GBE1: variants seen among roughly 807,000 people sequenced by gnomAD.
GBE1 encodes 1,4-alpha-glucan-branching enzyme.
Under a neutral mutation model 88.8 loss-of-function variants are expected in GBE1, and 70 were observed. The ratio of observed to expected loss-of-function variants is 0.79; its 90% CI spans 0.65 to 0.96. GBE1 has a LOEUF of 0.96. Among genes scored for constraint, GBE1 ranks in the 40% least tolerant of loss-of-function variants. The pLI is 0.00. For synonymous variants in GBE1, 284 were observed against 300.1 expected, an observed-to-expected ratio of 0.95 and a Z score of 0.56; for missense variants, 872 against 871.0, an observed-to-expected ratio of 1.00 and a Z score of -0.01.
intron 1 of GBE1, among the ~76,000 whole-genome samples, chr3:81,748,051 C>A (rs1041481350): frequency 1.3e-5 from 2 of 152,012 alleles, no homozygotes; most frequent in Admixed American, 1.3e-4. Flanking sequence ...AATGGGGAGG[C>A]AGAGGTTGCA....
intron 1 of GBE1, among the ~76,000 whole-genome samples, chr3:81,717,959 ATTTATTT>A (rs1559697752): frequency 2.4e-5 from 1 of 42,432 alleles, no homozygotes; most frequent in East Asian, 8.9e-3. Context: ...ATTTTATTTT[ATTTATTT>A]ATTTATTTAT....
chr3:81,509,261 G>C (rs1370535630), intron 14 of GBE1, among the ~76,000 whole-genome samples: 1 of 147,936 alleles, frequency 6.8e-6, no homozygotes, highest in East Asian at 2.0e-4. Flanking sequence ...ACTCTTTGAG[G>C]ACTAGAGTCT....
chr3:81,692,519 C>A (rs1705536352), intron 2 of GBE1, among the ~76,000 whole-genome samples: 1 of 152,100 alleles, frequency 6.6e-6, no homozygotes, highest in African/African-American at 2.4e-5. Context: ...GAATGCAGAG[C>A]CCCCTTTTGC....
At chr3:81,726,261 G>C (rs1706110589) in intron 1 of GBE1, among the ~76,000 whole-genome samples, 1 of 152,024 alleles carries the variant, frequency 6.6e-6, no homozygotes, top group Non-Finnish European at 1.5e-5. Flanking sequence ...TTGTGCTTTG[G>C]TGGTAACCAG....
At chr3:81,526,880 A>G (rs941161422) in intron 14 of GBE1, among the ~76,000 whole-genome samples, 16 of 152,150 alleles carry the variant, frequency 1.1e-4, no homozygotes. Context: ...TTTAAAGTTC[A>G]TATGGAACCA....
intron 14 of GBE1, among the ~76,000 whole-genome samples, chr3:81,522,543 C>T (rs1035311358): frequency 1.3e-5 from 2 of 149,346 alleles, no homozygotes; most frequent in East Asian, 1.9e-4. Flanking sequence ...CCCTTCCTGC[C>T]CCCCCCAAAT....
intron 12 of GBE1, among the ~76,000 whole-genome samples, chr3:81,543,351 T>C (rs151304568): frequency 2.6e-5 from 4 of 152,190 alleles, no homozygotes; most frequent in African/African-American, 9.6e-5. Flanking sequence ...GTTTTCTCTG[T>C]TGTAAACGAG....
chr3:81,493,993 A>T (rs1311543245), intron 15 of GBE1, among the ~76,000 whole-genome samples: 1 of 152,098 alleles, frequency 6.6e-6, no homozygotes, highest in East Asian at 1.9e-4. Context: ...TGACAGTTCC[A>T]TCATACTTAG....
rs575422638 is a variant in GBE1 at position 81,510,551 on chromosome 3, C to T, written c.1935-11324G>A. Among the ~76,000 whole-genome samples, 3 of 152,048 alleles carry T rather than the reference C, an allele frequency of 2.0e-5. No individual in the cohort carries two copies. In the South Asian group the frequency reaches 6.2e-4, roughly 32 times the overall value. Reference sequence around the variant, plus strand: ...CCTGAGCACTTCTGGGCACATAGCCCATAACTACATCAGATTAATTATTGT... The same window carrying T: ...CCTGAGCACTTCTGGGCACATAGCCTATAACTACATCAGATTAATTATTGT... On this transcript the variant is annotated intron_variant, in intron 14 of 15. Coordinates refer to ENST00000429644, the MANE Select transcript of GBE1 (RefSeq NM_000158.4).
chr3:81,508,540 C>T (rs774230337), intron 14 of GBE1, among the ~76,000 whole-genome samples: 2 of 152,058 alleles, frequency 1.3e-5, no homozygotes, highest in African/African-American at 2.4e-5. Flanking sequence ...AGACTCAACA[C>T]TTTTTTTAAA....
chr3:81,611,352 G>T (rs935916976), intron 7 of GBE1, among the ~76,000 whole-genome samples: 2 of 152,104 alleles, frequency 1.3e-5, no homozygotes, highest in African/African-American at 2.4e-5. Flanking sequence ...ACAAATTCAG[G>T]TTTGTTAATA....
Position 81,508,276 on chromosome 3 carries a change from A to C in GBE1, c.1935-9049T>G, listed in dbSNP as rs114260133. ...GTATCCTAGAAGATTATATAACTTA[A>C]ACTAAAAAATGTCACTGTTTCTCAA... On this transcript the variant is annotated intron_variant, in intron 14 of 15. Coordinates refer to ENST00000429644, the MANE Select transcript of GBE1 (RefSeq NM_000158.4). 2.4e-3 allele frequency among the ~76,000 whole-genome samples: 359 copies of C among 152,268 alleles called. 3 individuals carry two copies. The highest frequency in any genetic ancestry group is 8.3e-3 in the African/African-American group (343 of 41,562).
chr3:81,752,295 C>A (rs1706541373), intron 1 of GBE1, among the ~76,000 whole-genome samples: 1 of 152,148 alleles, frequency 6.6e-6, no homozygotes, highest in Non-Finnish European at 1.5e-5. Flanking sequence ...ATAATTATTT[C>A]ATTTTCAAAC....
rs868384383 is a variant in GBE1 at position 81,579,505 on chromosome 3, G to T, written c.1447-1409C>A. ...TCTTTTTCATCTTCCATTTGTTCAT[G>T]CCACTTATTTGTTTACTCTTTCATT... On this transcript the variant is annotated intron_variant, in intron 11 of 15. Transcript: ENST00000429644. 2.6e-5 allele frequency among the ~76,000 whole-genome samples: 4 copies of T among 151,918 alleles called. No individual in the cohort carries two copies. In the South Asian group the frequency reaches 8.3e-4, roughly 32 times the overall value.
At position 81,685,947 on chromosome 3, in the gene GBE1, C is replaced by G. The variant is rs563116913; in HGVS notation, c.314-14994G>C. Among the ~76,000 whole-genome samples the G allele has an allele frequency of 2.6e-5, 4 of 152,282 alleles. No homozygotes were observed. In the South Asian group the frequency reaches 8.3e-4, roughly 32 times the overall value. On this transcript the variant is annotated intron_variant, in intron 2 of 15. Transcript: ENST00000429644. ...CTAAAATGTGTCTGAAATACTCTGG[C>G]AAAGGTCACCACAGACTTGAAAATT...
chr3:81,515,289 T>C (rs779194831), intron 14 of GBE1, among the ~76,000 whole-genome samples: 2 of 151,448 alleles, frequency 1.3e-5, no homozygotes, highest in Non-Finnish European at 3.0e-5. Flanking sequence ...ATTATTAATA[T>C]ATATTAATAT....
At chr3:81,552,378 C>T (rs906711091) in intron 12 of GBE1, among the ~76,000 whole-genome samples, 2 of 151,944 alleles carry the variant, frequency 1.3e-5, no homozygotes, top group South Asian at 2.1e-4. Flanking sequence ...ATTAGCTGAG[C>T]GCGTGGCAGG....
chr3:81,565,792 A>G (rs1703484184), intron 12 of GBE1, among the ~76,000 whole-genome samples: 1 of 152,168 alleles, frequency 6.6e-6, no homozygotes, highest in Non-Finnish European at 1.5e-5. Context: ...CAGGAAAAAC[A>G]TATGTACACA....
intron 7 of GBE1, among the ~76,000 whole-genome samples, chr3:81,630,883 T>C (rs1704498447): frequency 6.6e-6 from 1 of 152,084 alleles, no homozygotes; most frequent in African/African-American, 2.4e-5. Context: ...AAGAGCATCA[T>C]AAAATAGGAT....
Sources: allele counts gnomAD v4.1 joint callset (sites outside exome capture counted in the v4.1 genomes callset), GRCh38; gene constraint gnomAD v4.1.1; transcripts MANE v1.5; gene names NCBI Gene and HGNC (gene_info 2026-07-23, HGNC 2026-07-21).